Variants in NOTCH2NLB observed in about 807,000 individuals in gnomAD.
The protein encoded by NOTCH2NLB is notch 2 N-terminal like B, also known as notch homolog 2 N-terminal-like protein B.
Under a neutral mutation model 14.8 loss-of-function variants are expected in NOTCH2NLB, and 1 was observed. The observed-to-expected ratio is 0.07, with a 90% CI of 0.02 to 0.32. The LOEUF (loss-of-function observed/expected upper bound fraction) is 0.32. NOTCH2NLB is among the 10% of genes least tolerant of loss of function. The pLI is 1.00. For synonymous variants in NOTCH2NLB, 6 were observed against 57.5 expected, an observed-to-expected ratio of 0.10 and a Z score of 4.05; for missense variants, 11 against 155.0, an observed-to-expected ratio of 0.07 and a Z score of 4.93.
chr1:148,607,951 G>A (rs1663557418), intron 3 of NOTCH2NLB, among the ~76,000 whole-genome samples: 1 of 138,618 alleles, frequency 7.2e-6, no homozygotes, highest in African/African-American at 3.1e-5. Context: ...AGAGACACAA[G>A]GACTCAGTGG....
chr1:148,608,588 G>A (rs1481359539), intron 3 of NOTCH2NLB, among the ~76,000 whole-genome samples: 1 of 151,594 alleles, frequency 6.6e-6, no homozygotes, highest in East Asian at 1.9e-4. Flanking sequence ...GGTCTCCGTG[G>A]TATGCTCTCA....
chr1:148,691,849 C>A, the NOTCH2NLB span, among the ~76,000 whole-genome samples: 6 of 99,944 alleles, frequency 6.0e-5, 2 homozygotes, highest in Middle Eastern at 9.4e-3. Flanking sequence ...GCCTGACACC[C>A]CCCCCGCTCT....
chr1:148,651,005 T>C lies in NOTCH2NLB; in HGVS notation c.4-10916A>G, dbSNP rs1243443045. Among the ~76,000 whole-genome samples, 17 of 117,336 alleles carry C rather than the reference T, an allele frequency of 1.4e-4. No individual in the cohort carries two copies. In the East Asian group the frequency reaches 5.4e-3, roughly 37 times the overall value. 77.0% of individuals were successfully genotyped at this position (117,336 alleles called of 152,430 possible). A position where few individuals can be genotyped will look rare whatever the true frequency, so the allele number is the denominator to read the frequency against. ...GTACAAAAAAAAAATTAGCTGGGCATGGTGGCGGGTGCCTGTAGTCCCAGC... is the reference window on the plus strand; with the variant it reads ...GTACAAAAAAAAAATTAGCTGGGCACGGTGGCGGGTGCCTGTAGTCCCAGC... On this transcript the variant is annotated intron_variant, in intron 1 of 4. Transcript: ENST00000593495.
intron 1 of NOTCH2NLB, among the ~76,000 whole-genome samples, chr1:148,661,620 T>C (rs1242261199): frequency 1.6e-3 from 240 of 150,020 alleles, no homozygotes; most frequent in Admixed American, 2.8e-3. Flanking sequence ...TGGTGGAGAA[T>C]GGTGAATCTC....
chr1:148,638,126 C>A (rs1664257137), intron 2 of NOTCH2NLB, among the ~76,000 whole-genome samples: 3 of 148,412 alleles, frequency 2.0e-5, no homozygotes, highest in Admixed American at 6.7e-5. Context: ...GATTGCTGGG[C>A]CAAATGGTAT....
At chr1:148,703,455 G>A in the NOTCH2NLB span, among the ~76,000 whole-genome samples, 1 of 32,502 alleles carries the variant, frequency 3.1e-5, no homozygotes, top group African/African-American at 9.6e-5. Context: ...CTCCTGGAGG[G>A]TAATGAGAGG....
At chr1:148,600,949 CAT>C in the NOTCH2NLB span, among the ~76,000 whole-genome samples, 3 of 143,742 alleles carry the variant, frequency 2.1e-5, no homozygotes, top group African/African-American at 7.9e-5. Context: ...GTGGTAAATC[CAT>C]ATGATAAAAT....
intron 1 of NOTCH2NLB, among the ~76,000 whole-genome samples, chr1:148,651,165 ATATATAT>A (rs1664502964): frequency 1.4e-3 from 55 of 38,334 alleles, no homozygotes; most frequent in African/African-American, 4.2e-3. Flanking sequence ...AAAAAAAAAT[ATATATAT>A]ATATATATAT....
In NOTCH2NLB at chr1:148,610,343, AAGAAAG is replaced by A. The variant is rs1369193856; in HGVS notation, c.338-2604_338-2599del. On this transcript the variant is annotated intron_variant, in intron 3 of 4. Coordinates refer to ENST00000593495, the Ensembl canonical transcript of NOTCH2NLB. ...AGAGAGAGAAAGAAAGAAAGAAAGA[AAGAAAG>A]AAAGAAAGAAAGAAAGAAAGAAAGA... 5.2e-4 allele frequency among the ~76,000 whole-genome samples: 55 copies of A among 106,738 alleles called. 1 individual carries two copies. Among genetic ancestry groups the A allele is most frequent in the African/African-American group, 2.2e-3 (54 of 24,464 alleles). The allele number at this position is 106,738 out of a possible 152,430, so 70.0% of individuals were successfully genotyped here.
intron 1 of NOTCH2NLB, among the ~76,000 whole-genome samples, chr1:148,670,539 A>AATATATATATAT (rs1156575606): frequency 1.1e-5 from 1 of 93,480 alleles, no homozygotes; most frequent in African/African-American, 4.3e-5. Context: ...TAAAAAAAAA[A>AATATATATATAT]ATATATATAT....
At chr1:148,601,130 A>G in the NOTCH2NLB span, among the ~76,000 whole-genome samples, 5 of 150,462 alleles carry the variant, frequency 3.3e-5, no homozygotes, top group Admixed American at 1.3e-4. Context: ...GCTTTACCCA[A>G]TTGCAGTCCA....
Position 148,622,551 on chromosome 1 carries a change from T to C in NOTCH2NLB, c.78-6601A>G, listed in dbSNP as rs1270856095. On this transcript the variant is annotated intron_variant, in intron 2 of 4. Coordinates refer to ENST00000593495, the Ensembl canonical transcript of NOTCH2NLB. ...AAATGGAAAAAGGCTTAACACATGT[T>C]CTTACCAGTGCAGCACAGAGCTGAA... Among the ~76,000 whole-genome samples the C allele has an allele frequency of 3.1e-5, 2 of 64,668 alleles. 1 individual carries two copies. Among genetic ancestry groups the C allele is most frequent in the Admixed American group, 2.6e-4 (2 of 7,634 alleles). 42.4% of individuals were successfully genotyped at this position (64,668 alleles called of 152,430 possible). A position where few individuals can be genotyped will look rare whatever the true frequency, so the allele number is the denominator to read the frequency against.
At chr1:148,636,981 G>T (rs1664214952) in intron 2 of NOTCH2NLB, among the ~76,000 whole-genome samples, 1 of 143,168 alleles carries the variant, frequency 7.0e-6, no homozygotes, top group Admixed American at 6.8e-5. Flanking sequence ...ACATCTGAGG[G>T]ACATACCCAG....
chr1:148,638,568 C>T (rs1387248735), intron 2 of NOTCH2NLB, among the ~76,000 whole-genome samples: 2 of 149,006 alleles, frequency 1.3e-5, no homozygotes, highest in African/African-American at 2.5e-5. Flanking sequence ...TGTTTTTTTT[C>T]CCCCAGCTAG....
downstream of NOTCH2NLB, among the ~76,000 whole-genome samples, chr1:148,604,912 T>A (rs1663459355): frequency 7.1e-6 from 1 of 140,044 alleles, no homozygotes; most frequent in East Asian, 2.0e-4. Context: ...CAAGAACTAG[T>A]CTATGTAACT....
At chr1:148,679,827 C>T, upstream of NOTCH2NLB, 1 of 246,226 alleles carries the variant, frequency 4.1e-6, no homozygotes, top group Non-Finnish European at 7.0e-6. Context: ...AGCCCCGCCC[C>T]ACTGTCGCCG....
chr1:148,703,039 G>A, the NOTCH2NLB span, among the ~76,000 whole-genome samples: 69 of 29,830 alleles, frequency 2.3e-3, no homozygotes, highest in African/African-American at 7.1e-3. Context: ...TGAACCCCAG[G>A]GGGTGGAGCC....
the NOTCH2NLB span, among the ~76,000 whole-genome samples, chr1:148,708,037 T>C: frequency 1.4e-5 from 1 of 72,004 alleles, no homozygotes; most frequent in Non-Finnish European, 2.6e-5. Flanking sequence ...TAAAGACACT[T>C]GACTGGATAC....
intron 2 of NOTCH2NLB, among the ~76,000 whole-genome samples, chr1:148,637,270 G>A (rs1177010478): frequency 2.9e-5 from 4 of 140,056 alleles, no homozygotes; most frequent in African/African-American, 2.8e-5. Flanking sequence ...GGATTTCACC[G>A]TGTTAGCCAG....
Sources: gnomAD v4.1 joint callset for allele counts (sites outside exome capture counted in the v4.1 genomes callset) on GRCh38, gnomAD v4.1.1 for gene constraint, MANE v1.5 for transcripts, NCBI Gene and HGNC (gene_info 2026-07-23, HGNC 2026-07-21) for gene names.